DIP2A: variants seen among roughly 807,000 people sequenced by gnomAD.
DIP2A encodes the protein disco-interacting protein 2 homolog A.
In DIP2A, 85 loss-of-function variants were observed where a neutral mutation model predicts 177.4. The observed-to-expected ratio is 0.48, with a 90% confidence interval of 0.40 to 0.57. DIP2A has a LOEUF of 0.57. Among genes scored for constraint, DIP2A ranks in the 20% least tolerant of loss-of-function variants. The probability of loss-of-function intolerance (pLI) is 0.00; values close to 1 mark genes in which losing one functional copy is unlikely to be tolerated. For missense variants in DIP2A, 1,791 were observed against 2,100.2 expected (o/e 0.85, Z 2.88); for synonymous variants, 886 against 881.8 (o/e 1.00, Z -0.08).
At chr21:46,493,301 GGTT>G (rs952274663) in intron 3 of DIP2A, among the ~76,000 whole-genome samples, 1 of 152,000 alleles carries the variant, frequency 6.6e-6, no homozygotes, top group Non-Finnish European at 1.5e-5. Flanking sequence ...TTTAGTTCTA[GGTT>G]GTTTTTAATC....
intron 12 of DIP2A, 76 bp from the exon 13 acceptor site, chr21:46,534,509 A>T: frequency 7.2e-7 from 1 of 1,381,314 alleles, no homozygotes; most frequent in Admixed American, 1.9e-5. Flanking sequence ...TCTTTTGAAG[A>T]TTCTACCAGT....
At chr21:46,493,439 AGT>A (rs2057135083) in intron 3 of DIP2A, among the ~76,000 whole-genome samples, 1 of 152,006 alleles carries the variant, frequency 6.6e-6, no homozygotes, top group Non-Finnish European at 1.5e-5. Context: ...TTTTTCCATG[AGT>A]GTTTTCAGTT....
chr21:46,477,543 T>TTTTTTTGTGTGTGTGTGTGTGTGTGTGTG (rs374607636), intron 1 of DIP2A, among the ~76,000 whole-genome samples: 1 of 87,094 alleles, frequency 1.1e-5, no homozygotes, highest in African/African-American at 4.3e-5. Flanking sequence ...AAAAAAAGAT[T>TTTTTTTGTGTGTGTGTGTGTGTGTGTGTG]TGTGTGTGTG....
intron 25 of DIP2A, 99 bp downstream of exon 25, chr21:46,552,003 T>C (rs2060291176): frequency 3.7e-6 from 5 of 1,353,714 alleles, no homozygotes; most frequent in Admixed American, 2.0e-5. Flanking sequence ...GTTGTTCTCA[T>C]GTTTAGAGAA....
chr21:46,495,415 T>C (rs987490547), intron 3 of DIP2A, among the ~76,000 whole-genome samples: 3 of 151,812 alleles, frequency 2.0e-5, no homozygotes, highest in Admixed American at 6.6e-5. Context: ...ATTACAGGCA[T>C]GCACCACCAT....
intron 3 of DIP2A, among the ~76,000 whole-genome samples, chr21:46,491,575 AT>A (rs1238635762): frequency 6.6e-6 from 1 of 152,206 alleles, no homozygotes; most frequent in Non-Finnish European, 1.5e-5. Flanking sequence ...TATATAAAAA[AT>A]ATTATACCAA....
At chr21:46,578,021 A>C in the DIP2A span, among the ~76,000 whole-genome samples, 1 of 152,112 alleles carries the variant, frequency 6.6e-6, no homozygotes, top group Non-Finnish European at 1.5e-5. Context: ...TCAGTTTAAG[A>C]AGCTTTTGGA....
At chr21:46,535,656 T>C (rs1044873374) in intron 13 of DIP2A, among the ~76,000 whole-genome samples, 4 of 152,198 alleles carry the variant, frequency 2.6e-5, no homozygotes, top group Non-Finnish European at 5.9e-5. Context: ...AAGCTTTTAC[T>C]TGAGATTTGG....
chr21:46,512,640 A>ATT (rs35097201), intron 8 of DIP2A, among the ~76,000 whole-genome samples: 5 of 150,764 alleles, frequency 3.3e-5, no homozygotes, highest in East Asian at 1.9e-4. Context: ...TTTCTTTTTT[A>ATT]TTTTTTTTCT....
At chr21:46,484,852 T>TA (rs2056582520) in intron 2 of DIP2A, 24 bp downstream of exon 2, 1 of 1,527,626 alleles carries the variant, frequency 6.5e-7, no homozygotes, top group Non-Finnish European at 8.8e-7. Context: ...ACTCAGGTGT[T>TA]ACATAGCAAT....
rs2060741478 is a variant in DIP2A at position 46,563,622 on chromosome 21, C to G, written c.4090-236C>G. 4 of 621,346 alleles carry G rather than the reference C, an allele frequency of 6.4e-6. No individual in the cohort carries two copies. The highest frequency in any genetic ancestry group is 3.7e-5 in the African/African-American group (2 of 53,776). The allele number at this position is 621,346 out of a possible 1,614,324, so 38.5% of individuals were successfully genotyped here. A position where few individuals can be genotyped will look rare whatever the true frequency, so the allele number is the denominator to read the frequency against. On this transcript the variant is annotated intron_variant, in intron 34 of 37. Transcript: ENST00000417564. This position sits in a 1 kb window ranked among gnomAD's most constrained non-coding sequence, Gnocchi z 4.3. ...TAGTGACCCTCTGCCCCTCCTGACACCCAGAGACGGGATCCCTTCTCAGGA... is the reference window on the plus strand; with the variant it reads ...TAGTGACCCTCTGCCCCTCCTGACAGCCAGAGACGGGATCCCTTCTCAGGA...
In DIP2A at chr21:46,471,834, T is replaced by C. The variant is rs895455075; in HGVS notation, c.91+12612T>C. 5.9e-5 allele frequency among the ~76,000 whole-genome samples: 9 copies of C among 152,228 alleles called. No homozygotes were observed. The South Asian group carries it at 6.2e-4, about 11-fold the overall frequency. On this transcript the variant is annotated intron_variant, in intron 1 of 37. Transcript: ENST00000417564. ...CATGCGGGGGTTTCCTTTCAGACTT[T>C]GAATTAATCAGCTATAAGGAAAGAA...
At chr21:46,481,912 G>T (rs1369602531) in intron 1 of DIP2A, among the ~76,000 whole-genome samples, 3 of 152,060 alleles carry the variant, frequency 2.0e-5, no homozygotes, top group Admixed American at 6.6e-5. Flanking sequence ...TTAGCCAGGC[G>T]TGGTGGCGCA....
At chr21:46,512,905 C>T (rs1046660856) in intron 8 of DIP2A, among the ~76,000 whole-genome samples, 3 of 152,136 alleles carry the variant, frequency 2.0e-5, no homozygotes, top group African/African-American at 7.2e-5. Context: ...GGCAGTCCTC[C>T]CATCTTAGCC....
At chr21:46,545,822 T>C in intron 19 of DIP2A, 59 bp from the exon 20 acceptor site, 1 of 1,588,454 alleles carries the variant, frequency 6.3e-7, no homozygotes, top group East Asian at 2.3e-5. Flanking sequence ...CTGCTGGGTC[T>C]TTTTGGCCAG....
chr21:46,549,718 T>A (rs2060197628), intron 21 of DIP2A, 53 bp from the exon 22 acceptor site: 4 of 1,605,344 alleles, frequency 2.5e-6, no homozygotes, highest in Non-Finnish European at 3.4e-6. Context: ...AGAATGCATC[T>A]GTGTCTTGTT....
intron 1 of DIP2A, 35 bp downstream of exon 1, chr21:46,459,257 G>T (rs2054054693): frequency 3.6e-6 from 5 of 1,395,118 alleles, no homozygotes; most frequent in Non-Finnish European, 4.7e-6. Context: ...CCCGCGACCC[G>T]CCCTCAGCCC....
At chr21:46,530,199 T>G (rs1277277805) in intron 9 of DIP2A, among the ~76,000 whole-genome samples, 1 of 151,990 alleles carries the variant, frequency 6.6e-6, no homozygotes, top group Non-Finnish European at 1.5e-5. Flanking sequence ...ATGGTGAAAA[T>G]CAACATACCA....
chr21:46,575,340 CAGA>C, the DIP2A span, among the ~76,000 whole-genome samples: 25 of 152,236 alleles, frequency 1.6e-4, no homozygotes, highest in African/African-American at 6.0e-4. Context: ...TGAAAATCTG[CAGA>C]AGCTTTTTCT....
Sources: allele counts gnomAD v4.1 joint callset (sites outside exome capture counted in the v4.1 genomes callset), GRCh38; gene constraint gnomAD v4.1.1; non-coding constraint Gnocchi (gnomAD v3.1); transcripts MANE v1.5; gene names NCBI Gene and HGNC (gene_info 2026-07-23, HGNC 2026-07-21).